The following TMEM17 variants were observed in gnomAD, a reference collection of about 807,000 sequenced individuals.
The protein encoded by TMEM17 is transmembrane protein 17.
Under a neutral mutation model 19.1 loss-of-function variants are expected in TMEM17, and 15 were observed. That is an observed-to-expected ratio of 0.78 (90% CI 0.52 to 1.21). The LOEUF (loss-of-function observed/expected upper bound fraction) is 1.21. Among genes scored for constraint, TMEM17 ranks in the 50% most tolerant of loss-of-function variants. The pLI is 0.00. For synonymous variants in TMEM17, 103 were observed against 86.9 expected (o/e 1.19, Z -1.03); for missense variants, 245 against 242.3 (o/e 1.01, Z -0.07).
At chr2:62,476,830 G>A in the TMEM17 span, among the ~76,000 whole-genome samples, 12 of 152,230 alleles carry the variant, frequency 7.9e-5, no homozygotes, top group African/African-American at 2.9e-4. Context: ...TTGCTGAGCT[G>A]TGTATTGGAC....
chr2:62,464,956 A>G, the TMEM17 span, among the ~76,000 whole-genome samples: 1 of 152,160 alleles, frequency 6.6e-6, no homozygotes, highest in East Asian at 1.9e-4. Context: ...GTTTTACAAT[A>G]GATATGTTAT....
At chr2:62,494,856 A>C in the TMEM17 span, among the ~76,000 whole-genome samples, 4 of 152,042 alleles carry the variant, frequency 2.6e-5, no homozygotes, top group African/African-American at 9.7e-5. Flanking sequence ...ACACACACAC[A>C]AAAAGAAAAA....
the TMEM17 span, among the ~76,000 whole-genome samples, chr2:62,467,646 C>T: frequency 2.5e-4 from 38 of 152,218 alleles, no homozygotes; most frequent in Non-Finnish European, 4.4e-4. Flanking sequence ...TCCTCCCAAA[C>T]TGCGTGTCCC....
In TMEM17 at chr2:62,501,247, C is replaced by A. The variant is rs777048306; in HGVS notation, c.559G>T (p.Asp187Tyr). The A allele has an allele frequency of 6.2e-7, 1 of 1,614,184 alleles. No homozygotes were observed. The highest frequency in any genetic ancestry group is 8.5e-7 in the Non-Finnish European group (1 of 1,180,036). The stretch of plus-strand genomic sequence containing the variant: ...ATACATGACCTCATCCTTCTCATGT[C>A]TCCTCTGTTTGCAGAGAGCCGGTCA... ...DFDRLSANRG[D>Y]MRRMRSCIEE... The change falls in exon 4 of 4, where the codon GAC (aspartate) becomes TAC (tyrosine). Residue 187 changes from aspartate (D) to tyrosine (Y), a missense_variant. By Grantham distance (160) the Asp-to-Tyr change is radical. Transcript: ENST00000335390.
downstream of TMEM17, among the ~76,000 whole-genome samples, chr2:62,498,042 C>G (rs763945340): frequency 5.9e-5 from 9 of 152,208 alleles, no homozygotes; most frequent in Non-Finnish European, 1.2e-4. Context: ...CTTACATATA[C>G]TAGTCATTCA....
chr2:62,462,580 A>G, the TMEM17 span, among the ~76,000 whole-genome samples: 2 of 152,208 alleles, frequency 1.3e-5, no homozygotes, highest in Non-Finnish European at 2.9e-5. Context: ...TGAATTATAG[A>G]TAAATGTGAA....
At chr2:62,456,289 C>A in the TMEM17 span, among the ~76,000 whole-genome samples, 1 of 152,228 alleles carries the variant, frequency 6.6e-6, no homozygotes, top group Admixed American at 6.5e-5. Flanking sequence ...GCAGAGCCTG[C>A]AGGGGCTCTA....
the TMEM17 span, among the ~76,000 whole-genome samples, chr2:62,454,994 T>C: frequency 4.2e-3 from 646 of 152,328 alleles, 3 homozygotes; most frequent in South Asian, 6.6e-3. Flanking sequence ...CGTGAGCCAC[T>C]GTGCCCAGCC....
At chr2:62,457,320 T>C in the TMEM17 span, among the ~76,000 whole-genome samples, 1 of 152,142 alleles carries the variant, frequency 6.6e-6, no homozygotes, top group South Asian at 2.1e-4. The surrounding 1 kb of genome is among the most constrained non-coding windows in gnomAD (Gnocchi z 4.2). Flanking sequence ...GCCTTGGGTG[T>C]GGCAGCCAGG....
the TMEM17 span, among the ~76,000 whole-genome samples, chr2:62,494,514 T>C: frequency 6.6e-6 from 1 of 152,220 alleles, no homozygotes; most frequent in South Asian, 2.1e-4. Context: ...TAATATCAAA[T>C]ATTTTTCTCT....
At chr2:62,476,156 G>A in the TMEM17 span, among the ~76,000 whole-genome samples, 1 of 152,216 alleles carries the variant, frequency 6.6e-6, no homozygotes, top group Admixed American at 6.5e-5. Flanking sequence ...TGGGGTGGCA[G>A]TTGTATCCAT....
At chr2:62,471,351 G>A in the TMEM17 span, among the ~76,000 whole-genome samples, 13 of 152,122 alleles carry the variant, frequency 8.5e-5, no homozygotes, top group East Asian at 1.9e-4. Flanking sequence ...CCATTAACTC[G>A]TCTGTAAGTT....
the TMEM17 span, among the ~76,000 whole-genome samples, chr2:62,460,008 G>A: frequency 1.3e-5 from 2 of 152,214 alleles, no homozygotes; most frequent in African/African-American, 4.8e-5. Flanking sequence ...AGCAAAGTAA[G>A]GTAAACGTTT....
At chr2:62,464,787 G>T in the TMEM17 span, among the ~76,000 whole-genome samples, 1 of 152,120 alleles carries the variant, frequency 6.6e-6, no homozygotes, top group Non-Finnish European at 1.5e-5. Flanking sequence ...AGTGTTAATT[G>T]GTTGGGCCAG....
chr2:62,458,451 G>A, the TMEM17 span, among the ~76,000 whole-genome samples: 31 of 152,330 alleles, frequency 2.0e-4, no homozygotes, highest in African/African-American at 7.2e-4. Flanking sequence ...GCCAGACCAC[G>A]TGGGTTCAAT....
the TMEM17 span, among the ~76,000 whole-genome samples, chr2:62,490,263 G>T: frequency 0.067 from 10,178 of 151,646 alleles, 867 homozygotes; most frequent in African/African-American, 0.2. Flanking sequence ...ATGCATGTGT[G>T]TATTATTATT....
At position 62,506,070 on chromosome 2, in the gene TMEM17, A is replaced by T; in HGVS notation, c.60T>A (p.Ser20Arg). ...RLGNFSRAVF[S>R]DSNRTGPESN... ...ACTCTGGACCGGTCCGATTGGAATCACTGAACACGGCCCGGCTGAAGTTTC... is the reference window on the plus strand; with the variant it reads ...ACTCTGGACCGGTCCGATTGGAATCTCTGAACACGGCCCGGCTGAAGTTTC... Residue 20 changes from serine (S) to arginine (R), a missense_variant, in exon 1 of 4, where the codon AGT (serine) becomes AGA (arginine). By Grantham distance (110) the Ser-to-Arg change is moderately radical. Coordinates refer to ENST00000335390, the MANE Select transcript of TMEM17 (RefSeq NM_198276.3). 6.2e-7 allele frequency: 1 copy of T among 1,610,836 alleles called. No homozygotes were observed.
At chr2:62,490,155 G>A in the TMEM17 span, among the ~76,000 whole-genome samples, 1 of 152,144 alleles carries the variant, frequency 6.6e-6, no homozygotes, top group East Asian at 1.9e-4. Flanking sequence ...CAGCCTGGGT[G>A]ACAGAGCGAG....
the TMEM17 span, among the ~76,000 whole-genome samples, chr2:62,485,085 G>A: frequency 3.3e-5 from 5 of 152,174 alleles, no homozygotes; most frequent in African/African-American, 9.7e-5. Context: ...CTACAGGTGT[G>A]TGCCAACACG....
Sources: allele counts gnomAD v4.1 joint callset (sites outside exome capture counted in the v4.1 genomes callset), GRCh38; gene constraint gnomAD v4.1.1; non-coding constraint Gnocchi (gnomAD v3.1); transcripts MANE v1.5; gene names NCBI Gene and HGNC (gene_info 2026-07-23, HGNC 2026-07-21).